Variants in COL6A5 observed in about 807,000 individuals in gnomAD.
COL6A5 encodes the protein collagen type VI alpha 5 chain, also known as collagen alpha-5(VI) chain.
Under a neutral mutation model 65.6 loss-of-function variants are expected in COL6A5, and 48 were observed. The ratio of observed to expected loss-of-function variants is 0.73; its 90% confidence interval spans 0.58 to 0.93. COL6A5 has a LOEUF of 0.93. Ranked by LOEUF, COL6A5 falls within the 40% of genes least tolerant of loss-of-function variation. The pLI, the probability that COL6A5 is intolerant of heterozygous loss-of-function variation, is 0.00. For synonymous variants in COL6A5, 291 were observed against 322.8 expected (o/e 0.90, Z 1.05); for missense variants, 914 against 928.3 (o/e 0.98, Z 0.20).
At chr3:130,466,652 A>T (rs1051061803) in intron 5 of COL6A5, among the ~76,000 whole-genome samples, 6 of 151,930 alleles carry the variant, frequency 3.9e-5, no homozygotes, top group Non-Finnish European at 7.4e-5. Flanking sequence ...AAAAAAGAAA[A>T]ACAATGAAGT....
chr3:130,483,985 T>C, intron 7 of COL6A5, 50 bp from the exon 41 acceptor site: 2 of 1,560,878 alleles, frequency 1.3e-6, no homozygotes, highest in Non-Finnish European at 1.8e-6. Context: ...AGGAACATTT[T>C]GAACAAATAC....
At chr3:130,418,547 C>T (rs1017742431) in intron 24 of COL6A5, among the ~76,000 whole-genome samples, 2 of 152,098 alleles carry the variant, frequency 1.3e-5, no homozygotes, top group Non-Finnish European at 2.9e-5. Context: ...GTTTATTTTG[C>T]AGTTCAATAA....
At chr3:130,420,252 A>C (rs137971685) in intron 25 of COL6A5, among the ~76,000 whole-genome samples, 1 of 152,196 alleles carries the variant, frequency 6.6e-6, no homozygotes, top group African/African-American at 2.4e-5. Context: ...AATTACTTAT[A>C]ATCCACCATT....
chr3:130,362,314 A>T (rs1577428013), intron 1 of COL6A5, among the ~76,000 whole-genome samples: 3 of 15,512 alleles, frequency 1.9e-4, no homozygotes, highest in Admixed American at 1.0e-3. Context: ...ATATATATAT[A>T]TATATATATA....
chr3:130,347,115 T>G (rs1934509987), intron 1 of COL6A5, among the ~76,000 whole-genome samples: 1 of 152,194 alleles, frequency 6.6e-6, no homozygotes, highest in African/African-American at 2.4e-5. Context: ...TTTCAGTGGC[T>G]TAACTTAAAA....
rs540088028 is a variant in COL6A5 at position 130,376,918 on chromosome 3, T to G, written c.667+82T>G. ...CACTCTCACCTCTTGCAACTCATGT[T>G]AGGTTTTCATGATTAGCCATGTTGA... is the stretch of plus-strand genomic sequence containing the variant. On this transcript the variant is annotated intron_variant and NMD_transcript_variant, in intron 3 of 41. Transcript: ENST00000312481. 3 of 1,388,584 alleles carry G rather than the reference T, an allele frequency of 2.2e-6. No homozygotes were observed. The African/African-American group carries it at 4.4e-5, about 20-fold the overall frequency. The allele number at this position is 1,388,584 out of a possible 1,614,324, so 86.0% of individuals were successfully genotyped here.
intron 17 of COL6A5, among the ~76,000 whole-genome samples, chr3:130,408,138 A>G (rs1463027436): frequency 6.6e-6 from 1 of 152,188 alleles, no homozygotes; most frequent in Non-Finnish European, 1.5e-5. Context: ...ATAACCACAA[A>G]GTCTGACTGC....
chr3:130,472,832 C>CATATAT (rs10654631), intron 7 of COL6A5, among the ~76,000 whole-genome samples: 17,140 of 99,218 alleles, frequency 0.17, 1,829 homozygotes, highest in Middle Eastern at 0.34. Context: ...TGTGTGTATA[C>CATATAT]ATATATATAT....
At chr3:130,450,867 C>G (rs545693771) in intron 4 of COL6A5, among the ~76,000 whole-genome samples, 4 of 152,194 alleles carry the variant, frequency 2.6e-5, no homozygotes, top group African/African-American at 9.6e-5. Flanking sequence ...GCATAAGTAT[C>G]AGAGAAACTA....
At chr3:130,395,147 A>G (rs1577464164) in exon 8 of COL6A5, 2 of 1,551,716 alleles carry the variant, frequency 1.3e-6, no homozygotes, top group East Asian at 4.9e-5. Flanking sequence ...ATTTCCAAGA[A>G]TTGACTTTGC....
intron 7 of COL6A5, among the ~76,000 whole-genome samples, chr3:130,479,071 A>G (rs565903635): frequency 1.3e-5 from 2 of 152,098 alleles, no homozygotes; most frequent in South Asian, 4.2e-4. Context: ...CAAAGTTAGT[A>G]TGTTGATGTC....
rs141652576 is a variant in COL6A5 at position 130,397,523 on chromosome 3, G to A, written c.3569-60G>A. 10,576 of 1,342,870 alleles carry A rather than the reference G, an allele frequency of 7.9e-3. 66 individuals are homozygous for A. Among genetic ancestry groups the A allele is most frequent in the Non-Finnish European group, 8.2e-3 (8,080 of 990,770 alleles). The allele number at this position is 1,342,870 out of a possible 1,614,324, so 83.2% of individuals were successfully genotyped here. ...CATGACAGTGCTCCTTTTTTCTGCC[G>A]TCTCTCCTTCCTTACTCCTGTCTAC... On this transcript the variant is annotated intron_variant and NMD_transcript_variant, in intron 8 of 41. Coordinates refer to the COL6A5 transcript ENST00000312481.
At position 130,440,424 on chromosome 3, in the gene COL6A5, A is replaced by T. The variant is rs1305524791; in HGVS notation, c.842A>T (p.Glu281Val). 3 of 1,613,656 alleles carry T rather than the reference A, an allele frequency of 1.9e-6. No homozygotes were observed. In the Admixed American group the frequency reaches 5.0e-5, roughly 27 times the overall value. Residue 281 changes from glutamate to valine, a missense_variant, in exon 3 of 8, where the codon GAG becomes GTG. Physicochemically the swap from Glu to Val is moderately radical, Grantham distance 121 (BLOSUM62 -2). Transcript: ENST00000512836. ...AGAAAGATGGGTACAGTAAAAACAG[A>T]GTTTGATTTCATCACTTATGACAAC...
chr3:130,364,823 A>G (rs1026010909), intron 1 of COL6A5, among the ~76,000 whole-genome samples: 4 of 152,234 alleles, frequency 2.6e-5, no homozygotes, highest in Non-Finnish European at 5.9e-5. Context: ...CAGGTCTGGT[A>G]TCCAGGCATT....
At chr3:130,426,747 T>C (rs1050842046), upstream of COL6A5, among the ~76,000 whole-genome samples, 1 of 151,430 alleles carries the variant, frequency 6.6e-6, no homozygotes, top group Non-Finnish European at 1.5e-5. Flanking sequence ...GGGATGATCA[T>C]GGGGGTTTGG....
chr3:130,397,897 A>C, exon 9 of COL6A5: 1 of 1,551,370 alleles, frequency 6.4e-7, no homozygotes, highest in South Asian at 1.2e-5. Context: ...GGACACATTT[A>C]AGGATAAATC....
intron 5 of COL6A5, among the ~76,000 whole-genome samples, chr3:130,466,542 C>T (rs1224758266): frequency 6.6e-6 from 1 of 151,812 alleles, no homozygotes; most frequent in East Asian, 1.9e-4. Flanking sequence ...TCAATGATCA[C>T]AACTTCTACC....
rs10654631 is a variant in COL6A5, at chr3:130,472,832, C to CATATATATATATATATATATAT, written c.2328+1871_2328+1892dup. Among the ~76,000 whole-genome samples the CATATATATATATATATATATAT allele has an allele frequency of 2.2e-3, 221 of 99,282 alleles. 8 individuals are homozygous for CATATATATATATATATATATAT. The highest frequency in any genetic ancestry group is 7.8e-3 in the South Asian group (20 of 2,552). 65.1% of individuals were successfully genotyped at this position (99,282 alleles called of 152,430 possible). A position where few individuals can be genotyped will look rare whatever the true frequency, so the allele number is the denominator to read the frequency against. On this transcript the variant is annotated intron_variant, in intron 7 of 7. Transcript: ENST00000512836. ...AAAAGTTTATATATGTGTGTGTATA[C>CATATATATATATATATATATAT]ATATATATATATATATATATATATA...
intron 20 of COL6A5, 147 bp downstream of exon 20, chr3:130,410,671 C>T (rs998739908): frequency 1.5e-6 from 1 of 681,532 alleles, no homozygotes; most frequent in African/African-American, 1.8e-5. Context: ...AAATTTGGGG[C>T]CAATAATTAT....
Sources: allele counts gnomAD v4.1 joint callset (sites outside exome capture counted in the v4.1 genomes callset), GRCh38; gene constraint gnomAD v4.1.1; transcripts MANE v1.5; gene names NCBI Gene and HGNC (gene_info 2026-07-23, HGNC 2026-07-21).